Variants in COPG2 observed in about 807,000 individuals in gnomAD.
COPG2 encodes coat protein complex I subunit gamma 2, also known as coatomer subunit gamma-2.
COPG2 carries 37 observed loss-of-function variants against 46.3 expected under a neutral mutation model. The ratio of observed to expected loss-of-function variants is 0.80; its 90% CI spans 0.61 to 1.05. COPG2 has a LOEUF of 1.05. Among genes scored for constraint, COPG2 ranks in the 50% least tolerant of loss-of-function variants. The probability of loss-of-function intolerance (pLI) is 0.00; values close to 1 mark genes in which losing one functional copy is unlikely to be tolerated. For synonymous variants in COPG2, 159 were observed against 129.7 expected (o/e 1.23, Z -1.53); for missense variants, 427 against 387.8 (o/e 1.10, Z -0.85).
chr7:130,628,711 G>A (rs1324086162), intron 5 of COPG2, among the ~76,000 whole-genome samples: 1 of 152,084 alleles, frequency 6.6e-6, no homozygotes, highest in African/African-American at 2.4e-5. Context: ...TTCTTGCAGA[G>A]TAAGACAGCT....
chr7:130,612,838 G>C (rs1794875534), intron 7 of COPG2, among the ~76,000 whole-genome samples: 1 of 152,082 alleles, frequency 6.6e-6, no homozygotes, highest in East Asian at 1.9e-4. Flanking sequence ...CGTAGACAAA[G>C]GGCACCAGAA....
intron 9 of COPG2, among the ~76,000 whole-genome samples, chr7:130,607,052 G>A (rs1554451355): frequency 6.6e-6 from 1 of 151,962 alleles, no homozygotes; most frequent in East Asian, 1.9e-4. Flanking sequence ...ACCGGCCTGG[G>A]CAACACTGCG....
intron 5 of COPG2, among the ~76,000 whole-genome samples, chr7:130,620,425 C>T (rs1020191110): frequency 1.3e-5 from 2 of 152,170 alleles, no homozygotes; most frequent in East Asian, 3.8e-4. Context: ...ACAATACATA[C>T]ACAACCCTCT....
At chr7:130,661,771 T>C (rs1368057536) in intron 4 of COPG2, among the ~76,000 whole-genome samples, 2 of 152,216 alleles carry the variant, frequency 1.3e-5, no homozygotes, top group Non-Finnish European at 2.9e-5. Context: ...TAGTTGTTTC[T>C]AGGTACACTG....
Position 130,585,588 on chromosome 7 carries a change from T to C in COPG2, c.738-21195A>G, listed in dbSNP as rs574536810. 6.6e-5 allele frequency among the ~76,000 whole-genome samples: 10 copies of C among 151,904 alleles called. No individual in the cohort carries two copies. In the South Asian group the frequency reaches 2.1e-3, roughly 32 times the overall value. On this transcript the variant is annotated intron_variant, in intron 9 of 23. Coordinates refer to ENST00000425248, the MANE Select transcript of COPG2 (RefSeq NM_012133.6). ...CTATACATCTGACAAAGGACTAATA[T>C]CCAGAATCTACAACAAACTCTAACA...
chr7:130,653,387 G>C (rs549569485), intron 4 of COPG2, among the ~76,000 whole-genome samples: 1 of 152,288 alleles, frequency 6.6e-6, no homozygotes, highest in East Asian at 1.9e-4. Flanking sequence ...CTGGGTAGCT[G>C]GAATTACAGG....
At chr7:130,643,061 C>T (rs1442261257) in intron 5 of COPG2, among the ~76,000 whole-genome samples, 1 of 151,596 alleles carries the variant, frequency 6.6e-6, no homozygotes, top group African/African-American at 2.4e-5. Flanking sequence ...CTTTGGGAGG[C>T]CGAGGCGGGC....
intron 20 of COPG2, among the ~76,000 whole-genome samples, chr7:130,530,606 C>A (rs1033698483): frequency 6.6e-6 from 1 of 152,028 alleles, no homozygotes; most frequent in Admixed American, 6.5e-5. Context: ...AGCAATAGGC[C>A]CTGGGTGGTT....
intron 1 of COPG2, among the ~76,000 whole-genome samples, chr7:130,668,155 C>T (rs890088383): frequency 3.3e-5 from 5 of 152,124 alleles, no homozygotes; most frequent in African/African-American, 1.2e-4. Flanking sequence ...CCCCCGGGGA[C>T]CTGGACAGAG....
intron 4 of COPG2, among the ~76,000 whole-genome samples, chr7:130,659,354 C>CAAAAAAAA (rs59413856): frequency 7.6e-5 from 5 of 65,466 alleles, no homozygotes; most frequent in Admixed American, 2.0e-4. Flanking sequence ...GACTCCGTCT[C>CAAAAAAAA]AAAAAAAAAA....
Position 130,513,124 on chromosome 7 carries a change from A to T in COPG2, c.2150-4465T>A, listed in dbSNP as rs564173702. 5.8e-4 allele frequency among the ~76,000 whole-genome samples: 88 copies of T among 151,216 alleles called. 1 individual carries two copies. Among genetic ancestry groups the T allele is most frequent in the African/African-American group, 2.0e-3 (83 of 41,210 alleles). ...AACATGGTGAAACCCCATCTCTACT[A>T]AAAATGCAAAAAGTAGCTGGGCGTG... On this transcript the variant is annotated intron_variant, in intron 20 of 23. Transcript: ENST00000425248.
chr7:130,593,480 A>G (rs1254465695), intron 9 of COPG2, among the ~76,000 whole-genome samples: 1 of 152,226 alleles, frequency 6.6e-6, no homozygotes, highest in Non-Finnish European at 1.5e-5. Context: ...ACTCTTACAG[A>G]AAAGTAAGGG....
intron 20 of COPG2, among the ~76,000 whole-genome samples, chr7:130,521,174 A>G (rs1799720157): frequency 6.6e-6 from 1 of 152,244 alleles, no homozygotes; most frequent in African/African-American, 2.4e-5. Context: ...GTCAGGAAGA[A>G]AACTGTGTAG....
chr7:130,590,356 C>T (rs1471545835), intron 9 of COPG2, among the ~76,000 whole-genome samples: 1 of 152,180 alleles, frequency 6.6e-6, no homozygotes, highest in African/African-American at 2.4e-5. Flanking sequence ...AACCTCCCTG[C>T]CTGATTCTCC....
intron 20 of COPG2, among the ~76,000 whole-genome samples, chr7:130,527,888 C>T (rs1317746775): frequency 1.3e-5 from 2 of 152,066 alleles, no homozygotes; most frequent in African/African-American, 2.4e-5. Context: ...TCCAACGCCT[C>T]GGTCCCAGAC....
chr7:130,531,109 G>T (rs1273921359), intron 20 of COPG2, among the ~76,000 whole-genome samples: 1 of 104,890 alleles, frequency 9.5e-6, no homozygotes, highest in Non-Finnish European at 2.0e-5. Flanking sequence ...TGGGGATGGG[G>T]TTTGGGTGGG....
chr7:130,511,907 T>C lies in COPG2; in HGVS notation c.2150-3248A>G, dbSNP rs185819819. The C allele has an allele frequency of 2.2e-4, 111 of 507,298 alleles. 1 individual carries two copies. The highest frequency in any genetic ancestry group is 2.0e-3 in the Admixed American group (99 of 49,482). 31.4% of individuals were successfully genotyped at this position (507,298 alleles called of 1,614,324 possible). A position where few individuals can be genotyped will look rare whatever the true frequency, so the allele number is the denominator to read the frequency against. On this transcript the variant is annotated intron_variant, in intron 20 of 23. Transcript: ENST00000425248. Reference sequence around the variant, plus strand: ...GCTTGATAGGAAAGTTATAAACTGATGAATGCTGATAAAAAGCTATAGATG... The same window carrying C: ...GCTTGATAGGAAAGTTATAAACTGACGAATGCTGATAAAAAGCTATAGATG...
intron 5 of COPG2, among the ~76,000 whole-genome samples, chr7:130,632,892 C>T (rs1795257693): frequency 6.6e-6 from 1 of 152,164 alleles, no homozygotes; most frequent in Non-Finnish European, 1.5e-5. Context: ...TATCCCTCCT[C>T]TAGCCCCCCA....
At chr7:130,621,795 T>C (rs1417011551) in intron 5 of COPG2, among the ~76,000 whole-genome samples, 5 of 151,534 alleles carry the variant, frequency 3.3e-5, no homozygotes, top group African/African-American at 1.2e-4. Context: ...ACACAAAAAA[T>C]TAGCTGGGTG....
Sources: allele counts gnomAD v4.1 joint callset (sites outside exome capture counted in the v4.1 genomes callset), GRCh38; gene constraint gnomAD v4.1.1; transcripts MANE v1.5; gene names NCBI Gene and HGNC (gene_info 2026-07-23, HGNC 2026-07-21).